RAB8B: variants seen among roughly 807,000 people sequenced by gnomAD.
The protein encoded by RAB8B is RAB8B, member RAS oncogene family, also known as ras-related protein Rab-8B.
In RAB8B, 11 loss-of-function variants were observed where a neutral mutation model predicts 32.0. That is an observed-to-expected ratio of 0.34 (90% CI 0.22 to 0.57). The LOEUF (loss-of-function observed/expected upper bound fraction) is 0.57, where lower values mean the gene tolerates loss of function less well. Among genes scored for constraint, RAB8B ranks in the 20% least tolerant of loss-of-function variants. RAB8B has a pLI of 0.86. For missense variants in RAB8B, 190 were observed against 258.5 expected, an observed-to-expected ratio of 0.73 and a Z score of 1.82; for synonymous variants, 103 against 89.6, an observed-to-expected ratio of 1.15 and a Z score of -0.85.
intron 1 of RAB8B, among the ~76,000 whole-genome samples, chr15:63,214,810 C>T (rs184368248): frequency 4.7e-4 from 72 of 152,266 alleles, no homozygotes; most frequent in Admixed American, 3.1e-3. Context: ...CCTCCTAAAA[C>T]TGCATATAGT....
intron 3 of RAB8B, among the ~76,000 whole-genome samples, chr15:63,254,657 A>C (rs1358625388): frequency 1.3e-5 from 2 of 152,146 alleles, no homozygotes; most frequent in Admixed American, 6.5e-5. Flanking sequence ...TCACACCTGT[A>C]ATCCCAGCAC....
At chr15:63,258,923 A>T (rs1424438733) in intron 5 of RAB8B, among the ~76,000 whole-genome samples, 5 of 152,064 alleles carry the variant, frequency 3.3e-5, no homozygotes, top group Non-Finnish European at 7.4e-5. Context: ...TAACCCCTGT[A>T]CTTTTGTTAC....
At chr15:63,226,310 G>A (rs2037888847) in intron 1 of RAB8B, among the ~76,000 whole-genome samples, 1 of 152,152 alleles carries the variant, frequency 6.6e-6, no homozygotes, top group Admixed American at 6.5e-5. Context: ...GCCTCCGTCA[G>A]TTTTCTGTTC....
chr15:63,244,955 G>A, intron 2 of RAB8B, 139 bp downstream of exon 2: 1 of 715,240 alleles, frequency 1.4e-6, no homozygotes, highest in South Asian at 1.9e-5. Flanking sequence ...AAATAAGTAA[G>A]CACTGGGAAT....
chr15:63,243,363 G>C (rs745697880), intron 1 of RAB8B, among the ~76,000 whole-genome samples: 2 of 152,230 alleles, frequency 1.3e-5, no homozygotes, highest in Non-Finnish European at 2.9e-5. Flanking sequence ...GTAGCCAGAT[G>C]ATGACGATTT....
At chr15:63,206,488 C>CT (rs1413322291) in intron 1 of RAB8B, among the ~76,000 whole-genome samples, 7 of 152,160 alleles carry the variant, frequency 4.6e-5, no homozygotes, top group Admixed American at 4.6e-4. Flanking sequence ...CTTATCATCT[C>CT]TAATTTCTGG....
At chr15:63,190,137 A>T (rs1458626292) in intron 1 of RAB8B, among the ~76,000 whole-genome samples, 1 of 149,622 alleles carries the variant, frequency 6.7e-6, no homozygotes, top group Non-Finnish European at 1.5e-5. Context: ...GCCAATGATT[A>T]AAAGACAGGA....
At chr15:63,212,639 G>A (rs1450614129) in intron 1 of RAB8B, among the ~76,000 whole-genome samples, 1 of 152,166 alleles carries the variant, frequency 6.6e-6, no homozygotes, top group Non-Finnish European at 1.5e-5. Flanking sequence ...GGGAAGAGGG[G>A]GAGGTGAAGG....
chr15:63,260,778 A>G (rs1362685159), intron 6 of RAB8B, among the ~76,000 whole-genome samples: 1 of 152,210 alleles, frequency 6.6e-6, no homozygotes, highest in African/African-American at 2.4e-5. Flanking sequence ...CGTGTAATTT[A>G]CATGTGATAT....
At position 63,231,830 on chromosome 15, in the gene RAB8B, GA is replaced by G. The variant is rs546813848; in HGVS notation, c.125-12922del. 2.9e-3 allele frequency among the ~76,000 whole-genome samples: 446 copies of G among 152,272 alleles called. 5 individuals carry two copies. Among genetic ancestry groups the G allele is most frequent in the African/African-American group, 0.01 (433 of 41,566 alleles). ...TTAGTTCACCAGTTAGCCCCTTTAT[GA>G]AAAGAGACTTTATTGAAGGTACAAC... On this transcript the variant is annotated intron_variant, in intron 1 of 7. Coordinates refer to ENST00000321437, the MANE Select transcript of RAB8B (RefSeq NM_016530.3).
At chr15:63,208,112 T>A (rs1283495421) in intron 1 of RAB8B, among the ~76,000 whole-genome samples, 1 of 152,186 alleles carries the variant, frequency 6.6e-6, no homozygotes, top group Non-Finnish European at 1.5e-5. Flanking sequence ...AAAGTCTTAT[T>A]TTTTACTTTG....
intron 1 of RAB8B, among the ~76,000 whole-genome samples, chr15:63,217,521 A>G (rs1310601051): frequency 2.0e-5 from 3 of 152,206 alleles, no homozygotes; most frequent in South Asian, 2.1e-4. Flanking sequence ...AAGTTTGGAG[A>G]GTCACTTATG....
At chr15:63,209,172 A>G (rs2037725442) in intron 1 of RAB8B, among the ~76,000 whole-genome samples, 1 of 151,724 alleles carries the variant, frequency 6.6e-6, no homozygotes, top group Admixed American at 6.6e-5. Flanking sequence ...ACCCACGATG[A>G]ATTCCTTTAG....
At chr15:63,192,776 A>T (rs1392005890) in intron 1 of RAB8B, among the ~76,000 whole-genome samples, 1 of 152,174 alleles carries the variant, frequency 6.6e-6, no homozygotes, top group East Asian at 1.9e-4. Flanking sequence ...TCTCAGAGAT[A>T]CTTTCTTCTT....
At chr15:63,240,120 G>A (rs74415768) in intron 1 of RAB8B, among the ~76,000 whole-genome samples, 2,711 of 151,988 alleles carry the variant, frequency 0.018, 41 homozygotes, top group Middle Eastern at 0.041. Context: ...GGTGCATCTG[G>A]TGGGAAAGGC....
At chr15:63,246,500 C>T (rs2038073586) in intron 2 of RAB8B, among the ~76,000 whole-genome samples, 1 of 152,124 alleles carries the variant, frequency 6.6e-6, no homozygotes. Context: ...GCAAAGAATA[C>T]AGATGAACAG....
intron 3 of RAB8B, among the ~76,000 whole-genome samples, chr15:63,250,121 C>A (rs1392233309): frequency 6.6e-6 from 1 of 152,178 alleles, no homozygotes; most frequent in East Asian, 1.9e-4. Context: ...CTGGCCTGGG[C>A]AACAGAGCGA....
intron 1 of RAB8B, among the ~76,000 whole-genome samples, chr15:63,225,857 C>T (rs560659984): frequency 5.9e-5 from 9 of 151,652 alleles, no homozygotes; most frequent in Admixed American, 2.6e-4. Flanking sequence ...TTTTTTCTTT[C>T]TGAAAGAGGG....
rs116411066 is a variant in RAB8B at position 63,251,854 on chromosome 15, G to A, written c.246+2149G>A. Among the ~76,000 whole-genome samples, 639 of 152,112 alleles carry A rather than the reference G, an allele frequency of 4.2e-3. 2 individuals carry two copies. The highest frequency in any genetic ancestry group is 0.01 in the Middle Eastern group (3 of 294). On this transcript the variant is annotated intron_variant, in intron 3 of 7. Transcript: ENST00000321437. ...ATCTCTCAAGTCATCCATTCCAGTC[G>A]GTTGCCGGGCCCACCATTTTCAGCA...
Sources: gnomAD v4.1 joint callset for allele counts (sites outside exome capture counted in the v4.1 genomes callset) on GRCh38, gnomAD v4.1.1 for gene constraint, MANE v1.5 for transcripts, NCBI Gene and HGNC (gene_info 2026-07-23, HGNC 2026-07-21) for gene names.